The following LTBP2 variants were observed in gnomAD, a reference collection of about 807,000 sequenced individuals.
The protein encoded by LTBP2 is latent transforming growth factor beta binding protein 2.
Under a neutral mutation model 210.6 loss-of-function variants are expected in LTBP2, and 103 were observed. The ratio of observed to expected loss-of-function variants is 0.49; its 90% CI spans 0.42 to 0.58. The LOEUF (loss-of-function observed/expected upper bound fraction) is 0.58, where lower values mean the gene tolerates loss of function less well. Ranked by LOEUF, LTBP2 falls within the 20% of genes least tolerant of loss-of-function variation. LTBP2 has a pLI of 0.00. For synonymous variants in LTBP2, 1,007 were observed against 1,015.0 expected, an observed-to-expected ratio of 0.99 and a Z score of 0.15; for missense variants, 2,313 against 2,494.5, an observed-to-expected ratio of 0.93 and a Z score of 1.55.
intron 2 of LTBP2, among the ~76,000 whole-genome samples, chr14:74,591,630 C>A (rs911687123): frequency 6.6e-6 from 1 of 152,206 alleles, no homozygotes; most frequent in Non-Finnish European, 1.5e-5. Flanking sequence ...GGCTTCCTCA[C>A]GGAAATTAAG....
At chr14:74,566,713 G>C (rs1000969094) in intron 3 of LTBP2, among the ~76,000 whole-genome samples, 2 of 152,144 alleles carry the variant, frequency 1.3e-5, no homozygotes, top group African/African-American at 4.8e-5. Context: ...ACATTCCCTG[G>C]TGCCTATCCT....
intron 3 of LTBP2, among the ~76,000 whole-genome samples, chr14:74,565,505 G>C (rs2087891396): frequency 6.6e-6 from 1 of 152,220 alleles, no homozygotes; most frequent in Non-Finnish European, 1.5e-5. Flanking sequence ...TTCAGATGTA[G>C]AGACAGATAA....
intron 3 of LTBP2, among the ~76,000 whole-genome samples, chr14:74,581,947 C>T (rs1034763775): frequency 2.0e-5 from 3 of 152,096 alleles, no homozygotes; most frequent in African/African-American, 7.2e-5. Context: ...CCCCAGCCAC[C>T]CCACTCAGGG....
chr14:74,608,975 G>A (rs540128192), intron 1 of LTBP2, among the ~76,000 whole-genome samples: 10 of 152,242 alleles, frequency 6.6e-5, no homozygotes, highest in African/African-American at 2.2e-4. Context: ...TCCAGTATAG[G>A]GCCTGGGTAT....
At chr14:74,592,021 G>T (rs187499736) in intron 2 of LTBP2, among the ~76,000 whole-genome samples, 141 of 152,256 alleles carry the variant, frequency 9.3e-4, no homozygotes, top group Non-Finnish European at 1.9e-4. Flanking sequence ...CTGCATGTTG[G>T]TACTTAAGAT....
chr14:74,502,565 C>T lies in LTBP2; in HGVS notation c.5170+88G>A, dbSNP rs77172932. 0.07 allele frequency: 110,401 copies of T among 1,585,234 alleles called. 4,374 individuals are homozygous for T. Among genetic ancestry groups the T allele is most frequent in the Non-Finnish European group, 0.08 (92,591 of 1,155,344 alleles). On this transcript the variant is annotated intron_variant, in intron 34 of 35. Transcript: ENST00000261978. Reference sequence around the variant, plus strand: ...GTCTTTCCCCTTCCCAGTCCTCACCCTGCTGGCAATATGACTAGCAGGTGG... The same window carrying T: ...GTCTTTCCCCTTCCCAGTCCTCACCTTGCTGGCAATATGACTAGCAGGTGG...
intron 9 of LTBP2, among the ~76,000 whole-genome samples, chr14:74,533,688 C>G (rs1036669074): frequency 5.1e-4 from 78 of 152,302 alleles, no homozygotes; most frequent in African/African-American, 1.8e-3. Flanking sequence ...CGCATCCCCC[C>G]GGAAACCCGT....
chr14:74,525,202 G>A lies in LTBP2; in HGVS notation c.2452C>T (p.Pro818Ser). 1 of 1,330,598 alleles carries A rather than the reference G, an allele frequency of 7.5e-7. No homozygotes were observed. Among genetic ancestry groups the A allele is most frequent in the African/African-American group, 1.5e-5 (1 of 66,740 alleles). The allele number at this position is 1,330,598 out of a possible 1,614,324, so 82.4% of individuals were successfully genotyped here. ...VTGNATTPPM[P>S]EQGIAEIQEE... Reference sequence around the variant, plus strand: ...TGTATCTCTGCAATCCCCTGTTCAGGCATTGGTGGGGTTGTGGCATTCCCT... The same window carrying A: ...TGTATCTCTGCAATCCCCTGTTCAGACATTGGTGGGGTTGTGGCATTCCCT... Residue 818 changes from proline (P) to serine (S), a missense_variant, in exon 15 of 36, where the codon CCT becomes TCT. Physicochemically the swap from Pro to Ser is moderately conservative, Grantham distance 74. Around this residue, in one of 3 missense-constraint regions of LTBP2, gnomAD observed 1,867 missense variants for 1,976.9 expected, o/e 0.94. Coordinates refer to ENST00000261978, the MANE Select transcript of LTBP2 (RefSeq NM_000428.3).
intron 2 of LTBP2, 27 bp downstream of exon 2, chr14:74,603,608 G>C: frequency 1.2e-6 from 2 of 1,612,640 alleles, no homozygotes; most frequent in South Asian, 2.2e-5. Flanking sequence ...ATAGAGCGGA[G>C]TGTCTGCTAC....
chr14:74,529,296 G>A (rs2087320264), intron 10 of LTBP2, among the ~76,000 whole-genome samples, 174 bp from the exon 11 acceptor site: 2 of 152,260 alleles, frequency 1.3e-5, no homozygotes, highest in Non-Finnish European at 2.9e-5. Context: ...TTAGGAGGAA[G>A]AGGCGTAGTG....
chr14:74,603,338 G>A (rs2088475460), intron 2 of LTBP2, among the ~76,000 whole-genome samples: 1 of 152,150 alleles, frequency 6.6e-6, no homozygotes, highest in Non-Finnish European at 1.5e-5. Context: ...TCTTGACCAG[G>A]CTGGTCTCCA....
At chr14:74,604,164 C>CAAACAAAAAAAAAAAAAAA (rs1273987376) in intron 1 of LTBP2, among the ~76,000 whole-genome samples, 2 of 72,750 alleles carry the variant, frequency 2.7e-5, no homozygotes, top group African/African-American at 1.5e-4. Flanking sequence ...TGCCTCTCAC[C>CAAACAAAAAAAAAAAAAAA]AAAAAAAAAA....
intron 22 of LTBP2, 58 bp from the exon 23 acceptor site, chr14:74,509,010 G>A: frequency 5.0e-6 from 8 of 1,607,134 alleles, no homozygotes; most frequent in Middle Eastern, 1.7e-4. Context: ...AAGGACAGGA[G>A]TCAAGGGGGA....
intron 18 of LTBP2, among the ~76,000 whole-genome samples, chr14:74,514,391 G>A (rs939571466): frequency 3.9e-5 from 6 of 152,162 alleles, no homozygotes; most frequent in Non-Finnish European, 8.8e-5. Flanking sequence ...TTTGGTATAA[G>A]GCTGCTGAAG....
intron 3 of LTBP2, among the ~76,000 whole-genome samples, chr14:74,565,390 A>C (rs141896831): frequency 6.6e-6 from 1 of 152,326 alleles, no homozygotes; most frequent in African/African-American, 2.4e-5. Context: ...TAGAGAGTGG[A>C]CTAAAGAGAG....
intron 30 of LTBP2, among the ~76,000 whole-genome samples, chr14:74,504,278 A>G (rs2086954043): frequency 6.6e-6 from 1 of 152,234 alleles, no homozygotes; most frequent in Non-Finnish European, 1.5e-5. Flanking sequence ...AAAAAAGTGC[A>G]CGGCGTGTAG....
intron 24 of LTBP2, 24 bp downstream of exon 24, chr14:74,508,580 G>A: frequency 6.3e-7 from 1 of 1,598,584 alleles, no homozygotes; most frequent in Non-Finnish European, 8.5e-7. Flanking sequence ...CTGGCCAGTA[G>A]AGGTAGCTGT....
intron 18 of LTBP2, 108 bp from the exon 19 acceptor site, chr14:74,511,472 A>T (rs2087070916): frequency 7.3e-7 from 1 of 1,360,974 alleles, no homozygotes. Flanking sequence ...AGAGGGATGG[A>T]CAGAGGGAAA....
intron 1 of LTBP2, among the ~76,000 whole-genome samples, chr14:74,607,984 AAT>A (rs1202343416): frequency 6.7e-6 from 1 of 149,920 alleles, no homozygotes; most frequent in African/African-American, 2.5e-5. Context: ...GCAGTGGCGC[AAT>A]CTCGGCTCAC....
Sources: gnomAD v4.1 joint callset for allele counts (sites outside exome capture counted in the v4.1 genomes callset) on GRCh38, gnomAD v4.1.1 for gene constraint, gnomAD v4.1.1 regional missense constraint, MANE v1.5 for transcripts, NCBI Gene and HGNC (gene_info 2026-07-23, HGNC 2026-07-21) for gene names.